Variants in ZNF618 observed in about 807,000 individuals in gnomAD.
ZNF618 encodes the protein zinc finger protein 618, also known as neural precursor cell expressed, developmentally down-regulated 10.
ZNF618 carries 34 observed loss-of-function variants against 103.0 expected under a neutral mutation model. The observed-to-expected ratio is 0.33, with a 90% confidence interval of 0.25 to 0.44. ZNF618 has a LOEUF of 0.44. Among genes scored for constraint, ZNF618 ranks in the 20% least tolerant of loss-of-function variants. The pLI is 1.00. For missense variants in ZNF618, 1,059 were observed against 1,295.4 expected (o/e 0.82, Z 2.80); for synonymous variants, 551 against 542.2 (o/e 1.02, Z -0.23).
intron 1 of ZNF618, among the ~76,000 whole-genome samples, chr9:113,957,266 ACTCT>A (rs755007998): frequency 6.6e-6 from 1 of 152,026 alleles, no homozygotes; most frequent in Non-Finnish European, 1.5e-5. Context: ...AATATTATAG[ACTCT>A]CTATCACTTC....
At chr9:113,895,535 T>A (rs1444700745) in intron 1 of ZNF618, among the ~76,000 whole-genome samples, 2 of 152,140 alleles carry the variant, frequency 1.3e-5, no homozygotes, top group African/African-American at 2.4e-5. Context: ...TGTCATTTTT[T>A]AAGGGGGTTA....
chr9:113,976,776 A>T (rs771547811), intron 2 of ZNF618, among the ~76,000 whole-genome samples: 6 of 152,128 alleles, frequency 3.9e-5, no homozygotes, highest in Non-Finnish European at 7.4e-5. Context: ...CATCTTTTTC[A>T]TGGTTAACCT....
intron 10 of ZNF618, among the ~76,000 whole-genome samples, chr9:114,025,852 C>T (rs551789227): frequency 3.3e-5 from 5 of 152,318 alleles, no homozygotes; most frequent in South Asian, 2.1e-4. Context: ...ATTTCCTGGC[C>T]GCTCACGCAT....
At chr9:113,993,576 T>A (rs1349313210) in intron 3 of ZNF618, among the ~76,000 whole-genome samples, 1 of 152,204 alleles carries the variant, frequency 6.6e-6, no homozygotes, top group African/African-American at 2.4e-5. Context: ...TTTCCTATGC[T>A]GTGAAACCAC....
intron 2 of ZNF618, among the ~76,000 whole-genome samples, chr9:113,978,762 G>A (rs1391332402): frequency 1.3e-5 from 2 of 152,154 alleles, no homozygotes; most frequent in Non-Finnish European, 2.9e-5. Flanking sequence ...AGGAAGCAGG[G>A]AGACTGTGAA....
chr9:114,008,583 G>A (rs941762563), intron 9 of ZNF618, 29 bp downstream of exon 9: 17 of 1,611,800 alleles, frequency 1.1e-5, no homozygotes, highest in Non-Finnish European at 1.4e-5. Flanking sequence ...GGGGCCAAGG[G>A]CTGGGTGGGG....
intron 1 of ZNF618, among the ~76,000 whole-genome samples, chr9:113,888,598 A>G (rs1273072184): frequency 1.3e-5 from 2 of 152,260 alleles, no homozygotes; most frequent in African/African-American, 2.4e-5. Flanking sequence ...GGCCTGCAGC[A>G]TCGCTCACTG....
chr9:113,966,604 A>G (rs1422833770), intron 1 of ZNF618, among the ~76,000 whole-genome samples: 2 of 152,188 alleles, frequency 1.3e-5, no homozygotes, highest in Admixed American at 6.5e-5. Flanking sequence ...TTCCCAACAC[A>G]GTGGACTTTG....
At chr9:113,890,237 CA>C (rs1829492205) in intron 1 of ZNF618, among the ~76,000 whole-genome samples, 1 of 152,062 alleles carries the variant, frequency 6.6e-6, no homozygotes, top group African/African-American at 2.4e-5. Context: ...TCAAGCAGTA[CA>C]AAAAAATGAA....
At chr9:113,921,828 A>G (rs1832676538) in intron 1 of ZNF618, among the ~76,000 whole-genome samples, 1 of 152,238 alleles carries the variant, frequency 6.6e-6, no homozygotes, top group African/African-American at 2.4e-5. Context: ...CCTTCTATAA[A>G]GTGAATCATC....
chr9:113,930,696 G>A (rs1219573983), intron 1 of ZNF618, among the ~76,000 whole-genome samples: 1 of 152,190 alleles, frequency 6.6e-6, no homozygotes, highest in Non-Finnish European at 1.5e-5. Context: ...AGAAGCGAAG[G>A]AGGCTCTGAT....
At chr9:113,962,790 C>T (rs189330703) in intron 1 of ZNF618, among the ~76,000 whole-genome samples, 9 of 152,204 alleles carry the variant, frequency 5.9e-5, no homozygotes, top group Admixed American at 5.9e-4. Context: ...CCCTATCCTT[C>T]CCTGTTCATG....
At chr9:113,915,545 ACT>A (rs1831989265) in intron 1 of ZNF618, among the ~76,000 whole-genome samples, 1 of 151,910 alleles carries the variant, frequency 6.6e-6, no homozygotes, top group South Asian at 2.1e-4. Flanking sequence ...GCCATCCGAG[ACT>A]CTAAGGAAAA....
intron 10 of ZNF618, among the ~76,000 whole-genome samples, chr9:114,019,020 TGA>T (rs1842860807): frequency 6.6e-6 from 1 of 152,184 alleles, no homozygotes; most frequent in Non-Finnish European, 1.5e-5. Context: ...GGCTGGGACT[TGA>T]GACTCTGGGT....
At chr9:114,038,709 T>C (rs1844854179) in intron 13 of ZNF618, among the ~76,000 whole-genome samples, 1 of 152,220 alleles carries the variant, frequency 6.6e-6, no homozygotes, top group African/African-American at 2.4e-5. Context: ...AGCTACAATT[T>C]TGTGAGTGCT....
intron 7 of ZNF618, among the ~76,000 whole-genome samples, chr9:114,007,775 G>T (rs577875813): frequency 6.6e-6 from 1 of 152,160 alleles, no homozygotes; most frequent in Non-Finnish European, 1.5e-5. Context: ...TTTAAAAAAC[G>T]AATGATGGCC....
intron 1 of ZNF618, among the ~76,000 whole-genome samples, chr9:113,900,212 C>G (rs1587977790): frequency 6.6e-6 from 1 of 152,004 alleles, no homozygotes; most frequent in Admixed American, 6.5e-5. Flanking sequence ...CAGGTGTGCA[C>G]CAGCACACCT....
chr9:113,903,396 C>G (rs575716377), intron 1 of ZNF618, among the ~76,000 whole-genome samples: 2 of 152,028 alleles, frequency 1.3e-5, no homozygotes, highest in Admixed American at 6.5e-5. Context: ...GCCATTCATA[C>G]TGTTTTACAG....
chr9:113,912,297 A>G (rs996525292), intron 1 of ZNF618, among the ~76,000 whole-genome samples: 8 of 152,170 alleles, frequency 5.3e-5, no homozygotes, highest in African/African-American at 1.2e-4. Context: ...ACACAAAGGG[A>G]TCTCCTCCAT....
Sources: gnomAD v4.1 joint callset for allele counts (sites outside exome capture counted in the v4.1 genomes callset) on GRCh38, gnomAD v4.1.1 for gene constraint, MANE v1.5 for transcripts, NCBI Gene and HGNC (gene_info 2026-07-23, HGNC 2026-07-21) for gene names.